The following LYPLAL1 variants were observed in gnomAD, a reference collection of about 807,000 sequenced individuals.
LYPLAL1 encodes the protein lysophospholipase-like protein 1.
A neutral mutation model predicts 19.7 loss-of-function variants in LYPLAL1; 23 were observed. That is an observed-to-expected ratio of 1.17 (90% CI 0.84 to 1.65). The LOEUF is 1.65. LYPLAL1 is among the 40% of genes most tolerant of loss of function. The pLI, the probability that LYPLAL1 is intolerant of heterozygous loss-of-function variation, is 0.00. For synonymous variants in LYPLAL1, 119 were observed against 96.3 expected (o/e 1.24, Z -1.38); for missense variants, 355 against 279.4 (o/e 1.27, Z -1.93).
At chr1:219,410,638 G>A in the LYPLAL1 span, among the ~76,000 whole-genome samples, 1 of 152,244 alleles carries the variant, frequency 6.6e-6, no homozygotes, top group Non-Finnish European at 1.5e-5. Context: ...TCAGCTTGCA[G>A]GGAGGTGTGG....
At chr1:219,226,517 C>T in the LYPLAL1 span, among the ~76,000 whole-genome samples, 1 of 151,972 alleles carries the variant, frequency 6.6e-6, no homozygotes, top group African/African-American at 2.4e-5. Context: ...CTCAACACAG[C>T]ACATCAAATA....
the LYPLAL1 span, among the ~76,000 whole-genome samples, chr1:219,232,977 C>T: frequency 3.3e-5 from 5 of 151,946 alleles, no homozygotes; most frequent in Non-Finnish European, 5.9e-5. Flanking sequence ...AAACAATATT[C>T]CAGTTCCTCA....
At chr1:219,364,603 T>C in the LYPLAL1 span, among the ~76,000 whole-genome samples, 2 of 152,148 alleles carry the variant, frequency 1.3e-5, no homozygotes, top group African/African-American at 2.4e-5. Flanking sequence ...ATTAATAGAA[T>C]GCAAACTCCA....
At chr1:219,357,602 A>G in the LYPLAL1 span, among the ~76,000 whole-genome samples, 1 of 151,946 alleles carries the variant, frequency 6.6e-6, no homozygotes, top group Admixed American at 6.6e-5. Flanking sequence ...ATTCTCACCA[A>G]GTGGACCCAA....
chr1:219,234,908 C>A, the LYPLAL1 span, among the ~76,000 whole-genome samples: 2 of 152,052 alleles, frequency 1.3e-5, no homozygotes, highest in East Asian at 3.9e-4. Flanking sequence ...CTGAGAATTT[C>A]ATCTTTTAAA....
chr1:219,174,311 C>T (rs1046766151), intron 1 of LYPLAL1: 3 of 1,180,640 alleles, frequency 2.5e-6, no homozygotes, highest in Non-Finnish European at 3.2e-6. Flanking sequence ...TAAGGTAAGT[C>T]TTCTGCTAGA....
the LYPLAL1 span, among the ~76,000 whole-genome samples, chr1:219,427,404 T>C: frequency 1.3e-5 from 2 of 152,244 alleles, no homozygotes; most frequent in African/African-American, 4.8e-5. Flanking sequence ...TTGAATTTTA[T>C]ATGCACACAC....
At chr1:219,289,079 T>G in the LYPLAL1 span, among the ~76,000 whole-genome samples, 2,037 of 45,306 alleles carry the variant, frequency 0.045, 67 homozygotes, top group African/African-American at 0.12. Flanking sequence ...TCTTGTTTTG[T>G]TTTTTTTGTT....
At chr1:219,395,497 C>T in the LYPLAL1 span, among the ~76,000 whole-genome samples, 1 of 152,008 alleles carries the variant, frequency 6.6e-6, no homozygotes, top group African/African-American at 2.4e-5. Context: ...ATTTAAGTTC[C>T]TTATAAATGC....
At chr1:219,343,081 C>G in the LYPLAL1 span, among the ~76,000 whole-genome samples, 1 of 152,186 alleles carries the variant, frequency 6.6e-6, no homozygotes, top group Non-Finnish European at 1.5e-5. Context: ...ACAACTTAAC[C>G]ATTGGAATAA....
chr1:219,268,041 A>G, the LYPLAL1 span, among the ~76,000 whole-genome samples: 2 of 152,226 alleles, frequency 1.3e-5, no homozygotes. Context: ...AATTCATTTT[A>G]CAAATATTTA....
At chr1:219,345,832 A>G in the LYPLAL1 span, among the ~76,000 whole-genome samples, 1 of 152,198 alleles carries the variant, frequency 6.6e-6, no homozygotes, top group Admixed American at 6.5e-5. Flanking sequence ...CTCAAAGGCA[A>G]ATTTTGACTA....
intron 2 of LYPLAL1, among the ~76,000 whole-genome samples, chr1:219,184,767 A>G (rs1195791450): frequency 2.0e-5 from 3 of 151,914 alleles, no homozygotes; most frequent in Non-Finnish European, 4.4e-5. Context: ...AACCAACCTT[A>G]CATTCCTGGG....
At chr1:219,402,814 A>C in the LYPLAL1 span, among the ~76,000 whole-genome samples, 1 of 152,200 alleles carries the variant, frequency 6.6e-6, no homozygotes, top group East Asian at 1.9e-4. Context: ...CGTGAGAATA[A>C]GGAAGAAGTA....
At chr1:219,232,830 A>G in the LYPLAL1 span, among the ~76,000 whole-genome samples, 1 of 151,920 alleles carries the variant, frequency 6.6e-6, no homozygotes, top group East Asian at 1.9e-4. Flanking sequence ...AAACCTCAAT[A>G]TATCACTGCC....
chr1:219,175,554 T>G (rs781660543), intron 1 of LYPLAL1, among the ~76,000 whole-genome samples: 3 of 152,228 alleles, frequency 2.0e-5, no homozygotes, highest in African/African-American at 4.8e-5. Context: ...AATTTCAGAT[T>G]ACATTTTTAT....
intron 1 of LYPLAL1, 53 bp downstream of exon 1, chr1:219,174,034 C>G: frequency 6.2e-7 from 1 of 1,610,464 alleles, no homozygotes; most frequent in East Asian, 2.2e-5. Flanking sequence ...ACATCCTCCC[C>G]TCGGTTACCC....
the LYPLAL1 span, among the ~76,000 whole-genome samples, chr1:219,357,669 C>T: frequency 1.1e-4 from 17 of 151,984 alleles, no homozygotes; most frequent in Non-Finnish European, 2.4e-4. Context: ...ATGGTCTTGC[C>T]GTATAATCTA....
the LYPLAL1 span, among the ~76,000 whole-genome samples, chr1:219,246,668 C>T: frequency 2.6e-5 from 4 of 152,254 alleles, no homozygotes; most frequent in African/African-American, 9.6e-5. Context: ...CTCACTGCAG[C>T]CTTGATCTCC....
Sources: gnomAD v4.1 joint callset for allele counts (sites outside exome capture counted in the v4.1 genomes callset) on GRCh38, gnomAD v4.1.1 for gene constraint, MANE v1.5 for transcripts, NCBI Gene and HGNC (gene_info 2026-07-23, HGNC 2026-07-21) for gene names.